SRPK2: variants seen among roughly 807,000 people sequenced by gnomAD.
SRPK2 encodes the protein SRSF protein kinase 2.
In SRPK2, 21 loss-of-function variants were observed where a neutral mutation model predicts 90.8. The ratio of observed to expected loss-of-function variants is 0.23; its 90% CI spans 0.16 to 0.33. The LOEUF (loss-of-function observed/expected upper bound fraction) is 0.33, where lower values mean the gene tolerates loss of function less well. SRPK2 is among the 10% of genes least tolerant of loss of function. SRPK2 has a pLI of 1.00. For missense variants in SRPK2, 620 were observed against 869.0 expected (o/e 0.71, Z 3.60); for synonymous variants, 288 against 311.1 (o/e 0.93, Z 0.78).
chr7:105,259,872 TACAAAAATTAACTC>T (rs1261065950), intron 2 of SRPK2, among the ~76,000 whole-genome samples: 3 of 152,274 alleles, frequency 2.0e-5, no homozygotes, highest in Admixed American at 2.0e-4. Flanking sequence ...CTACACCATA[TACAAAAATTAACTC>T]AAGATGGATG....
chr7:105,207,069 T>C (rs1349338707), intron 2 of SRPK2, among the ~76,000 whole-genome samples: 1 of 152,182 alleles, frequency 6.6e-6, no homozygotes, highest in African/African-American at 2.4e-5. Context: ...CATAGGAAAA[T>C]CAAGGTAAAT....
chr7:105,125,035 C>G (rs1465994770), intron 15 of SRPK2, among the ~76,000 whole-genome samples: 1 of 147,386 alleles, frequency 6.8e-6, no homozygotes, highest in Non-Finnish European at 1.5e-5. Flanking sequence ...GAGGCTGCGG[C>G]AGGAGAATTG....
chr7:105,343,486 G>A (rs1005403436), intron 2 of SRPK2, among the ~76,000 whole-genome samples: 1 of 152,138 alleles, frequency 6.6e-6, no homozygotes, highest in Admixed American at 6.6e-5. Context: ...TACTTTAGCA[G>A]TAATGGAGTC....
At chr7:105,228,791 G>A (rs1187373947) in intron 2 of SRPK2, among the ~76,000 whole-genome samples, 1 of 152,220 alleles carries the variant, frequency 6.6e-6, no homozygotes, top group East Asian at 1.9e-4. Context: ...TCACCTGGGC[G>A]CTGCGAGAGC....
At chr7:105,160,333 C>T (rs138076134) in intron 7 of SRPK2, 174 bp downstream of exon 7, 1 of 397,916 alleles carries the variant, frequency 2.5e-6, no homozygotes, top group African/African-American at 2.1e-5. Context: ...TCATTAAATA[C>T]TGACTTAATA....
intron 2 of SRPK2, among the ~76,000 whole-genome samples, chr7:105,216,463 C>A (rs577795640): frequency 6.6e-6 from 1 of 152,104 alleles, no homozygotes; most frequent in South Asian, 2.1e-4. Context: ...ACCAGTCTGG[C>A]CAATATGGTG....
intron 2 of SRPK2, among the ~76,000 whole-genome samples, chr7:105,353,316 A>C (rs984043031): frequency 6.6e-6 from 1 of 152,044 alleles, no homozygotes; most frequent in African/African-American, 2.4e-5. Context: ...TAGTGCTGTT[A>C]GAATTCTTCC....
chr7:105,202,730 GA>G (rs1322250173), intron 3 of SRPK2, among the ~76,000 whole-genome samples: 2 of 152,184 alleles, frequency 1.3e-5, no homozygotes, highest in Non-Finnish European at 2.9e-5. Context: ...CACAATGGCA[GA>G]ACCCCACAGA....
intron 6 of SRPK2, among the ~76,000 whole-genome samples, chr7:105,163,405 G>A (rs1227594501): frequency 1.3e-5 from 2 of 152,084 alleles, no homozygotes; most frequent in Non-Finnish European, 1.5e-5. Flanking sequence ...CAAATAAATC[G>A]GCAGTTTACA....
intron 2 of SRPK2, among the ~76,000 whole-genome samples, chr7:105,299,081 C>G (rs1357605644): frequency 6.6e-6 from 1 of 152,196 alleles, no homozygotes; most frequent in African/African-American, 2.4e-5. Context: ...CTTGCCCTAA[C>G]AGGACTGGCT....
chr7:105,389,272 A>T (rs1380879679), upstream of SRPK2: 2 of 1,273,100 alleles, frequency 1.6e-6, no homozygotes, highest in Admixed American at 2.4e-5. Flanking sequence ...CCGCTGCTCC[A>T]TGCGCCCGTC....
intron 2 of SRPK2, among the ~76,000 whole-genome samples, chr7:105,235,444 TCTA>T (rs1800000859): frequency 7.3e-6 from 1 of 137,432 alleles, no homozygotes; most frequent in Non-Finnish European, 1.6e-5. Flanking sequence ...CATTTTCACT[TCTA>T]CGTTGTCTGG....
chr7:105,341,088 C>A (rs916497049), intron 2 of SRPK2, among the ~76,000 whole-genome samples: 1 of 152,072 alleles, frequency 6.6e-6, no homozygotes, highest in Non-Finnish European at 1.5e-5. Context: ...ACCATAGGCC[C>A]GGTGCAGTGG....
At chr7:105,337,242 A>T (rs1469015577) in intron 2 of SRPK2, among the ~76,000 whole-genome samples, 3 of 151,996 alleles carry the variant, frequency 2.0e-5, no homozygotes, top group African/African-American at 7.2e-5. Flanking sequence ...CCCCAGTGTG[A>T]TATCTGAAGG....
intron 2 of SRPK2, among the ~76,000 whole-genome samples, chr7:105,313,617 G>T (rs528017013): frequency 6.6e-6 from 1 of 151,958 alleles, no homozygotes; most frequent in Non-Finnish European, 1.5e-5. Flanking sequence ...CAGGTGTGGC[G>T]TCGTGGACCT....
intron 2 of SRPK2, among the ~76,000 whole-genome samples, chr7:105,360,025 A>C (rs933474527): frequency 2.0e-5 from 3 of 152,144 alleles, no homozygotes; most frequent in African/African-American, 7.2e-5. Flanking sequence ...GTCTCTTTGT[A>C]GGTCTCTAAG....
chr7:105,268,988 T>C, intron 2 of SRPK2: 1 of 1,392,008 alleles, frequency 7.2e-7, no homozygotes, highest in Non-Finnish European at 9.5e-7. Flanking sequence ...AGATTCGCAG[T>C]ACTTCTGTTA....
At chr7:105,181,722 T>C (rs1463228524) in intron 3 of SRPK2, among the ~76,000 whole-genome samples, 2 of 151,560 alleles carry the variant, frequency 1.3e-5, no homozygotes, top group Non-Finnish European at 2.9e-5. Context: ...TACTTGAGGA[T>C]GGAGGGTGGA....
intron 2 of SRPK2, among the ~76,000 whole-genome samples, chr7:105,322,296 G>C (rs764482051): frequency 3.3e-5 from 5 of 152,034 alleles, no homozygotes; most frequent in Non-Finnish European, 5.9e-5. Context: ...ATGTGCCTGG[G>C]GTCCTAGTGA....
Sources: gnomAD v4.1 joint callset for allele counts (sites outside exome capture counted in the v4.1 genomes callset) on GRCh38, gnomAD v4.1.1 for gene constraint, MANE v1.5 for transcripts, NCBI Gene and HGNC (gene_info 2026-07-23, HGNC 2026-07-21) for gene names.